Variants in SPTBN5 observed in about 807,000 individuals in gnomAD.
SPTBN5 encodes the protein spectrin beta, non-erythrocytic 5, also known as spectrin beta chain, non-erythrocytic 5.
SPTBN5 carries 513 observed loss-of-function variants against 477.6 expected under a neutral mutation model. The ratio of observed to expected loss-of-function variants is 1.07; its 90% CI spans 1.00 to 1.16. The LOEUF (loss-of-function observed/expected upper bound fraction) is 1.16, where lower values mean the gene tolerates loss of function less well. SPTBN5 is among the 50% of genes most tolerant of loss of function. The probability of loss-of-function intolerance (pLI) is 0.00; values close to 1 mark genes in which losing one functional copy is unlikely to be tolerated. For synonymous variants in SPTBN5, 2,169 were observed against 2,011.7 expected (o/e 1.08, Z -2.09); for missense variants, 5,062 against 4,731.8 (o/e 1.07, Z -2.05).
At chr15:41,879,527 A>AC (rs2066874966) in intron 15 of SPTBN5, 28 bp from the exon 16 acceptor site, 8 of 1,529,826 alleles carry the variant, frequency 5.2e-6, no homozygotes, top group Non-Finnish European at 7.0e-6. Context: ...GGTTGTCTCC[A>AC]CAACAGGGAC....
intron 39 of SPTBN5, among the ~76,000 whole-genome samples, chr15:41,864,839 A>G (rs905362420): frequency 2.0e-5 from 3 of 152,248 alleles, no homozygotes; most frequent in Non-Finnish European, 4.4e-5. Context: ...TGGCTTCTGT[A>G]GAGCTTGTTT....
chr15:41,864,068 G>A, intron 39 of SPTBN5, 44 bp from the exon 40 acceptor site: 2 of 1,515,314 alleles, frequency 1.3e-6, no homozygotes, highest in South Asian at 1.2e-5. Context: ...CCCCCATGCA[G>A]AGCCCCTTCT....
At position 41,851,468 on chromosome 15, in the gene SPTBN5, A is replaced by G. The variant is rs942134561; in HGVS notation, c.10657-99T>C. ...CATGTGTGTGGAGCTTCCCAGGAAA[A>G]GCGGTGGATTGGACCAAAGTCCCAA... On this transcript the variant is annotated intron_variant, in intron 63 of 67. Coordinates refer to ENST00000320955, the MANE Select transcript of SPTBN5 (RefSeq NM_016642.4). The G allele has an allele frequency of 8.7e-6, 8 of 919,242 alleles. No individual in the cohort carries two copies. The African/African-American group carries it at 1.2e-4, about 13-fold the overall frequency. The allele number at this position is 919,242 out of a possible 1,614,324, so 56.9% of individuals were successfully genotyped here.
rs759265201 is a variant in SPTBN5, at chr15:41,855,442, G to C, written c.9219-14C>G. ...AGCACCTTGGGGCTGTGGGAAGAGA[G>C]CGACAGTCTGGACTGCAGCCCTGCC... On this transcript the variant is annotated splice_polypyrimidine_tract_variant and intron_variant, in intron 54 of 67. Coordinates refer to ENST00000320955, the MANE Select transcript of SPTBN5 (RefSeq NM_016642.4). 1 of 1,597,492 alleles carries C rather than the reference G, an allele frequency of 6.3e-7. No homozygotes were observed. The highest frequency in any genetic ancestry group is 8.5e-7 in the Non-Finnish European group (1 of 1,171,432).
In SPTBN5 at chr15:41,881,946, G is replaced by A. The variant is rs2066967464; in HGVS notation, c.2447C>T (p.Ser816Leu). The change falls in exon 12 of 68, where the codon TCG becomes TTG. Residue 816 changes from serine to leucine, a missense_variant. Coordinates refer to ENST00000320955, the MANE Select transcript of SPTBN5 (RefSeq NM_016642.4). ...EQGRAASARA[S>L]LFTVNSALSP... is the part of the protein sequence containing the mutation. ...TGTCCCCGTCCTCACCGTGAATAACGACGCCCGGGCCGAGGCCGCCCGCCC... is the reference window on the plus strand; with the variant it reads ...TGTCCCCGTCCTCACCGTGAATAACAACGCCCGGGCCGAGGCCGCCCGCCC... 2.0e-6 allele frequency: 3 copies of A among 1,528,640 alleles called. No homozygotes were observed. Among genetic ancestry groups the A allele is most frequent in the South Asian group, 2.4e-5 (2 of 83,592 alleles). 94.7% of individuals were successfully genotyped at this position (1,528,640 alleles called of 1,614,324 possible).
Position 41,856,965 on chromosome 15 carries a change from A to G in SPTBN5, c.8696T>C (p.Phe2899Ser), listed in dbSNP as rs954773351. 1.3e-6 allele frequency: 2 copies of G among 1,598,012 alleles called. No individual in the cohort carries two copies. Among genetic ancestry groups the G allele is most frequent in the African/African-American group, 1.3e-5 (1 of 74,612 alleles). The change falls in exon 52 of 68, where the codon TTC (phenylalanine) becomes TCC (serine). Residue 2899 changes from phenylalanine (F) to serine (S), a missense_variant. Coordinates refer to ENST00000320955, the MANE Select transcript of SPTBN5 (RefSeq NM_016642.4). ...GGCCATTTCCTCGTCGGCGTCCCTG[A>G]AGAACTTCAAGAGGAGGCTCCGGGC... ...LEARSLLLKF[F>S]RDADEEMAWV...
Position 41,880,164 on chromosome 15 carries a change from T to C in SPTBN5, c.2807A>G (p.Tyr936Cys). The C allele has an allele frequency of 2.5e-6, 4 of 1,599,196 alleles. No individual in the cohort carries two copies. The highest frequency in any genetic ancestry group is 1.3e-5 in the African/African-American group (1 of 74,594). Residue 936 changes from tyrosine to cysteine, a missense_variant, in exon 14 of 68, where the codon TAT becomes TGT. Physicochemically the swap from Tyr to Cys is radical, Grantham distance 194. Coordinates refer to ENST00000320955, the MANE Select transcript of SPTBN5 (RefSeq NM_016642.4). ...GCCAAGCTCCCAGGGCTGTACCTCA[T>C]ATTTGAGCTGCATGACCTCCAGGGT... ...ADTLEVMQLKYENFLTALAVG... is the reference protein window; with the variant it reads ...ADTLEVMQLKCENFLTALAVG...
In SPTBN5 at chr15:41,863,885, G is replaced by T. The variant is rs762829086; in HGVS notation, c.7034+24C>A. ...CTTCCACCCCTCTTCCCGGCCCTTT[G>T]GTTCTCCCCAGCCTGGGACTGGCCT... On this transcript the variant is annotated intron_variant, in intron 40 of 67. Coordinates refer to ENST00000320955, the MANE Select transcript of SPTBN5 (RefSeq NM_016642.4). 12 of 1,613,200 alleles carry T rather than the reference G, an allele frequency of 7.4e-6. No homozygotes were observed. In the East Asian group the frequency reaches 1.6e-4, roughly 21 times the overall value.
chr15:41,881,939 G>GA lies in SPTBN5; in HGVS notation c.2453dup (p.Thr819HisfsTer21). The GA allele has an allele frequency of 6.5e-7, 1 of 1,528,398 alleles. No homozygotes were observed. The highest frequency in any genetic ancestry group is 8.7e-7 in the Non-Finnish European group (1 of 1,146,490). The allele number at this position is 1,528,398 out of a possible 1,614,324, so 94.7% of individuals were successfully genotyped here. ...CCTTCCCTGTCCCCGTCCTCACCGT[G>GA]AATAACGACGCCCGGGCCGAGGCCG... On this transcript the variant is annotated frameshift_variant, in exon 12 of 68. Transcript: ENST00000320955. LOFTEE classifies it high-confidence loss of function.
intron 4 of SPTBN5, 93 bp from the exon 5 acceptor site, chr15:41,888,178 G>A: frequency 7.5e-7 from 1 of 1,326,384 alleles, no homozygotes; most frequent in Non-Finnish European, 1.0e-6. Context: ...GGCCACAGCA[G>A]GATCCTGCTC....
At position 41,876,144 on chromosome 15, in the gene SPTBN5, G is replaced by T; in HGVS notation, c.4092C>A (p.Ala1364=). 6.2e-7 allele frequency: 1 copy of T among 1,603,522 alleles called. No individual in the cohort carries two copies. The highest frequency in any genetic ancestry group is 8.5e-7 in the Non-Finnish European group (1 of 1,179,288). Residue 1364 remains alanine, a synonymous_variant, in exon 21 of 68, where the codon GCC becomes GCA. Transcript: ENST00000320955. ...RHEAAESELL[A]TRRHVEALQQ... is the part of the protein sequence containing the mutation. The stretch of plus-strand genomic sequence containing the variant: ...GCAGGGCCTCCACGTGTCTGCGGGT[G>T]GCGAGTAGCTCGCTCTCAGCTGCTT...
intron 47 of SPTBN5, among the ~76,000 whole-genome samples, chr15:41,859,990 GA>G (rs1223937428): frequency 6.6e-6 from 1 of 152,214 alleles, no homozygotes; most frequent in East Asian, 1.9e-4. Context: ...GGAGCTGCAT[GA>G]AGCAGCCAAA....
At chr15:41,880,678 C>T (rs772470675) in intron 13 of SPTBN5, among the ~76,000 whole-genome samples, 2 of 152,190 alleles carry the variant, frequency 1.3e-5, no homozygotes, top group Admixed American at 6.5e-5. Flanking sequence ...GCCTCCCCAG[C>T]GTCTGTGCTG....
rs1279169160 is a variant in SPTBN5, at chr15:41,868,182, C to T, written c.6094G>A (p.Asp2032Asn). 2 of 1,583,374 alleles carry T rather than the reference C, an allele frequency of 1.3e-6. No individual in the cohort carries two copies. The highest frequency in any genetic ancestry group is 2.7e-5 in the African/African-American group (2 of 74,378). Residue 2032 changes from aspartate (D) to asparagine (N), a missense_variant, in exon 34 of 68, where the codon GAC becomes AAC. By Grantham distance (23) the Asp-to-Asn change is conservative. Transcript: ENST00000320955. ...EELRALQDQR[D>N]QVYQTWARKQ... ...CGTGCCCAGGTCTGATACACCTGGT[C>T]CCGCTGGTCCTGCAGGGCTCGAAGC...
chr15:41,889,538 C>T (rs539578493), intron 4 of SPTBN5, among the ~76,000 whole-genome samples: 2 of 152,140 alleles, frequency 1.3e-5, no homozygotes, highest in South Asian at 2.1e-4. Context: ...CCACCTGAGC[C>T]CTCCCGAGAG....
At chr15:41,879,612 C>T in intron 15 of SPTBN5, 113 bp from the exon 16 acceptor site, 2 of 1,562,890 alleles carry the variant, frequency 1.3e-6, no homozygotes, top group Non-Finnish European at 1.7e-6. Flanking sequence ...TCCCTTGCCC[C>T]TTCCCTGTGC....
intron 39 of SPTBN5, among the ~76,000 whole-genome samples, 180 bp downstream of exon 39, chr15:41,865,628 T>C (rs1461241947): frequency 6.6e-6 from 1 of 152,216 alleles, no homozygotes; most frequent in African/African-American, 2.4e-5. Context: ...AGGTGGGTGC[T>C]ACCCCCATTC....
intron 32 of SPTBN5, 93 bp from the exon 33 acceptor site, chr15:41,868,694 A>C (rs2066426078): frequency 7.4e-7 from 1 of 1,353,278 alleles, no homozygotes. Context: ...ACCTGAGTCC[A>C]CTCACACAGC....
chr15:41,878,080 G>C (rs2066807892), intron 17 of SPTBN5, among the ~76,000 whole-genome samples: 1 of 152,200 alleles, frequency 6.6e-6, no homozygotes, highest in Non-Finnish European at 1.5e-5. Context: ...GAGGGGGCCA[G>C]CCGGGCCTGG....
Sources: gnomAD v4.1 joint callset for allele counts (sites outside exome capture counted in the v4.1 genomes callset) on GRCh38, gnomAD v4.1.1 for gene constraint, MANE v1.5 for transcripts, NCBI Gene and HGNC (gene_info 2026-07-23, HGNC 2026-07-21) for gene names.